Variants in LMX1A observed in about 807,000 individuals in gnomAD.
LMX1A encodes LIM homeobox transcription factor 1-alpha.
LMX1A carries 15 observed loss-of-function variants against 49.1 expected under a neutral mutation model. The ratio of observed to expected loss-of-function variants is 0.31; its 90% CI spans 0.20 to 0.47. LMX1A has a LOEUF of 0.47. Ranked by LOEUF, LMX1A falls within the 20% of genes least tolerant of loss-of-function variation. LMX1A has a pLI of 1.00. For missense variants in LMX1A, 372 were observed against 475.8 expected, an observed-to-expected ratio of 0.78 and a Z score of 2.03; for synonymous variants, 167 against 185.7, an observed-to-expected ratio of 0.90 and a Z score of 0.82.
chr1:165,348,396 T>C (rs10918147), intron 3 of LMX1A, among the ~76,000 whole-genome samples: 47,944 of 151,932 alleles, frequency 0.32, 8,076 homozygotes, highest in East Asian at 0.6. Flanking sequence ...GCAAAGAATG[T>C]TTCCAATCAC....
chr1:165,209,355 C>T (rs1328897663), intron 6 of LMX1A, among the ~76,000 whole-genome samples: 1 of 152,110 alleles, frequency 6.6e-6, no homozygotes, highest in African/African-American at 2.4e-5. Flanking sequence ...AGAGTGATAC[C>T]TATGTGAATG....
intron 4 of LMX1A, among the ~76,000 whole-genome samples, chr1:165,242,467 C>CA (rs10624846): frequency 0.3 from 39,800 of 132,132 alleles, 6,537 homozygotes; most frequent in African/African-American, 0.51. Context: ...CATAAAAAAG[C>CA]AAAAAAAAAA....
chr1:165,345,824 G>A (rs1465329720), intron 3 of LMX1A, among the ~76,000 whole-genome samples: 10 of 152,272 alleles, frequency 6.6e-5, no homozygotes, highest in African/African-American at 2.4e-4. Flanking sequence ...GAGGCCAATA[G>A]TTCAGGACCA....
chr1:165,232,813 G>A (rs57664124), intron 4 of LMX1A, among the ~76,000 whole-genome samples: 26,238 of 151,984 alleles, frequency 0.17, 2,559 homozygotes, highest in African/African-American at 0.26. Context: ...GTTAGATTAG[G>A]AAAAGCTAGC....
At chr1:165,300,432 T>A (rs1310643327) in intron 3 of LMX1A, among the ~76,000 whole-genome samples, 1 of 152,228 alleles carries the variant, frequency 6.6e-6, no homozygotes, top group African/African-American at 2.4e-5. Flanking sequence ...CATTAAAACC[T>A]TGAGCTGACC....
intron 3 of LMX1A, among the ~76,000 whole-genome samples, chr1:165,331,992 T>A (rs187163004): frequency 1.3e-5 from 2 of 152,088 alleles, no homozygotes; most frequent in African/African-American, 2.4e-5. Flanking sequence ...GTAAAAGGAA[T>A]AGAGGAAGAG....
chr1:165,332,445 T>A (rs555889688), intron 3 of LMX1A, among the ~76,000 whole-genome samples: 1 of 152,346 alleles, frequency 6.6e-6, no homozygotes, highest in African/African-American at 2.4e-5. Flanking sequence ...CAATCTTTCC[T>A]ATTTTTAACT....
At chr1:165,248,107 A>G (rs768593427) in intron 4 of LMX1A, among the ~76,000 whole-genome samples, 14 of 152,260 alleles carry the variant, frequency 9.2e-5, no homozygotes, top group Non-Finnish European at 1.8e-4. Context: ...ATATCCCAGT[A>G]GGAGAAGTTA....
At chr1:165,273,984 C>T (rs1158234472) in intron 3 of LMX1A, among the ~76,000 whole-genome samples, 1 of 152,232 alleles carries the variant, frequency 6.6e-6, no homozygotes, top group African/African-American at 2.4e-5. Context: ...AGCTGCTAGA[C>T]TACATCATTC....
intron 3 of LMX1A, among the ~76,000 whole-genome samples, chr1:165,301,437 A>G (rs934721189): frequency 1.3e-5 from 2 of 152,156 alleles, no homozygotes; most frequent in Admixed American, 6.5e-5. Context: ...TGTAAAACCT[A>G]AAGTTTATTT....
chr1:165,205,098 TA>T (rs1651020331), intron 8 of LMX1A, among the ~76,000 whole-genome samples: 1 of 152,244 alleles, frequency 6.6e-6, no homozygotes, highest in South Asian at 2.1e-4. Context: ...TGCATAAGAT[TA>T]TTTTTTAACT....
intron 3 of LMX1A, among the ~76,000 whole-genome samples, chr1:165,308,044 TAAG>T (rs1026271684): frequency 2.0e-5 from 3 of 151,828 alleles, no homozygotes; most frequent in Admixed American, 6.6e-5. Context: ...CTTGACAACA[TAAG>T]AAGAAAAAAA....
At chr1:165,216,589 T>G (rs529968109) in intron 4 of LMX1A, among the ~76,000 whole-genome samples, 2 of 152,198 alleles carry the variant, frequency 1.3e-5, no homozygotes, top group Non-Finnish European at 2.9e-5. Flanking sequence ...TAGAATATAT[T>G]TTAAAATGCA....
chr1:165,351,740 T>A (rs1323150035), intron 3 of LMX1A, among the ~76,000 whole-genome samples: 1 of 152,228 alleles, frequency 6.6e-6, no homozygotes, highest in Non-Finnish European at 1.5e-5. Context: ...TTTTGTGTGG[T>A]CACAGGGTCT....
chr1:165,265,002 G>A (rs1239833464), intron 3 of LMX1A, among the ~76,000 whole-genome samples: 1 of 152,058 alleles, frequency 6.6e-6, no homozygotes, highest in Admixed American at 6.5e-5. Context: ...AGGAGATCAA[G>A]ACCATCCTGG....
At chr1:165,220,441 A>G (rs1651800091) in intron 4 of LMX1A, among the ~76,000 whole-genome samples, 1 of 152,050 alleles carries the variant, frequency 6.6e-6, no homozygotes, top group African/African-American at 2.4e-5. Context: ...GTGTGCAGAG[A>G]TAAGTGTGGG....
intron 3 of LMX1A, among the ~76,000 whole-genome samples, chr1:165,344,371 G>C (rs1027071618): frequency 6.6e-6 from 1 of 152,220 alleles, no homozygotes; most frequent in African/African-American, 2.4e-5. Flanking sequence ...GTGAGGAGGA[G>C]CAAGAGGAGA....
chr1:165,334,648 CTTAAA>C (rs60648392), intron 3 of LMX1A, among the ~76,000 whole-genome samples: 83,708 of 151,432 alleles, frequency 0.55, 24,341 homozygotes, highest in East Asian at 0.81. Context: ...TGCCGTTTTG[CTTAAA>C]TTAAATTCTT....
rs114111948 is a variant in LMX1A, at chr1:165,335,822, G to A, written c.263+17254C>T. 9.0e-3 allele frequency among the ~76,000 whole-genome samples: 1,369 copies of A among 151,826 alleles called. 12 individuals carry two copies. The highest frequency in any genetic ancestry group is 0.014 in the Non-Finnish European group (978 of 67,936). On this transcript the variant is annotated intron_variant, in intron 3 of 8. Coordinates refer to ENST00000342310, the MANE Select transcript of LMX1A (RefSeq NM_177398.4). ...CTTGATTTTTTTTCTTGAATCTGAT[G>A]TATGTTTTTACTTTATGAGGCAATC...
Sources: gnomAD v4.1 joint callset for allele counts (sites outside exome capture counted in the v4.1 genomes callset) on GRCh38, gnomAD v4.1.1 for gene constraint, MANE v1.5 for transcripts, NCBI Gene and HGNC (gene_info 2026-07-23, HGNC 2026-07-21) for gene names.